CREBZF: variants seen among roughly 807,000 people sequenced by gnomAD.
CREBZF encodes the protein HCF-binding transcription factor Zhangfei.
Under a neutral mutation model 21.1 loss-of-function variants are expected in CREBZF, and 8 were observed. The ratio of observed to expected loss-of-function variants is 0.38; its 90% CI spans 0.22 to 0.68. The LOEUF (loss-of-function observed/expected upper bound fraction) is 0.68, where lower values mean the gene tolerates loss of function less well. CREBZF is among the 30% of genes least tolerant of loss of function. The pLI, the probability that CREBZF is intolerant of heterozygous loss-of-function variation, is 0.51. For synonymous variants in CREBZF, 270 were observed against 223.3 expected (o/e 1.21, Z -1.86); for missense variants, 518 against 484.3 (o/e 1.07, Z -0.65).
At chr11:85,666,833 G>A (rs1469727676), upstream of CREBZF, among the ~76,000 whole-genome samples, 2 of 152,116 alleles carry the variant, frequency 1.3e-5, no homozygotes, top group Non-Finnish European at 2.9e-5. Flanking sequence ...TATGACCTGT[G>A]GTATCTAGAA....
chr11:85,676,345 G>A (rs935799708), intron 1 of CREBZF, among the ~76,000 whole-genome samples: 4 of 152,126 alleles, frequency 2.6e-5, no homozygotes, highest in African/African-American at 9.7e-5. Flanking sequence ...TGGCTGTTGT[G>A]CTCTTACTTC....
upstream of CREBZF, among the ~76,000 whole-genome samples, chr11:85,666,442 A>G (rs2082863961): frequency 6.6e-6 from 1 of 152,230 alleles, no homozygotes; most frequent in African/African-American, 2.4e-5. Context: ...AGTTGTTTGA[A>G]TTGGGCTAAA....
rs1015372692 is a variant in CREBZF, at chr11:85,663,856, G to T, written c.1020C>A (p.Phe340Leu). 1 of 1,608,990 alleles carries T rather than the reference G, an allele frequency of 6.2e-7. No individual in the cohort carries two copies. The highest frequency in any genetic ancestry group is 8.5e-7 in the Non-Finnish European group (1 of 1,179,202). Residue 340 changes from phenylalanine to leucine, a missense_variant, in exon 1 of 1, where the codon TTC becomes TTA. Phe to Leu is a conservative substitution (Grantham distance 22, BLOSUM62 0). Transcript: ENST00000527447. Reference protein sequence around the residue: ...HVDKDKVSVEFCSACARKASS... With the variant: ...HVDKDKVSVELCSACARKASS... ...ACGCCTTCCGGGCGCACGCCGAGCAGAACTCCACCGACACCTTATCCTTGT... is the reference window on the plus strand; with the variant it reads ...ACGCCTTCCGGGCGCACGCCGAGCATAACTCCACCGACACCTTATCCTTGT...
At chr11:85,676,810 C>CTTT (rs11412070) in intron 1 of CREBZF, among the ~76,000 whole-genome samples, 14 of 135,030 alleles carry the variant, frequency 1.0e-4, no homozygotes, top group Non-Finnish European at 1.2e-4. Context: ...GCTAATTTTT[C>CTTT]TTTTTTTTTT....
At position 85,658,659 on chromosome 11, in the gene CREBZF, AAAG is replaced by A. The variant is rs1056865092; in HGVS notation, c.*5149_*5151del. Among the ~76,000 whole-genome samples, 28 of 152,110 alleles carry A rather than the reference AAAG, an allele frequency of 1.8e-4. No individual in the cohort carries two copies. The East Asian group carries it at 4.6e-3, about 25-fold the overall frequency. On this transcript the variant is annotated 3_prime_UTR_variant, in exon 1 of 1. Transcript: ENST00000527447. ...GTAGTTATTTGGCTTAAAAAAAAAAAAAGAGGGCTCACATTCTATTTAAATTAA... is the reference window on the plus strand; with the variant it reads ...GTAGTTATTTGGCTTAAAAAAAAAAAAGGGCTCACATTCTATTTAAATTAA...
chr11:85,676,378 C>T (rs1023529893), intron 1 of CREBZF, among the ~76,000 whole-genome samples: 1 of 152,174 alleles, frequency 6.6e-6, no homozygotes, highest in African/African-American at 2.4e-5. Context: ...CCAAATCATT[C>T]CTTCTGCTCC....
upstream of CREBZF, among the ~76,000 whole-genome samples, chr11:85,669,997 C>T (rs193142633): frequency 5.3e-5 from 8 of 152,006 alleles, no homozygotes; most frequent in South Asian, 2.1e-4. Context: ...TTAGTAGAGA[C>T]GGGGTTTCAC....
intron 1 of CREBZF, among the ~76,000 whole-genome samples, chr11:85,679,688 A>G (rs17810802): frequency 6.6e-6 from 1 of 152,204 alleles, no homozygotes; most frequent in Non-Finnish European, 1.5e-5. Context: ...AATCATTGGG[A>G]GGCATTCTTT....
intron 1 of CREBZF, among the ~76,000 whole-genome samples, chr11:85,680,177 T>C (rs977104618): frequency 6.6e-6 from 1 of 152,184 alleles, no homozygotes; most frequent in African/African-American, 2.4e-5. Context: ...ATAATATGGA[T>C]ATTGCTCTAT....
chr11:85,682,621 C>G, intron 1 of CREBZF: 1 of 305,238 alleles, frequency 3.3e-6, no homozygotes, highest in Non-Finnish European at 5.9e-6. Flanking sequence ...CCAACGCGAT[C>G]TTCCAGACGC....
rs1428273548 is a variant in CREBZF, at chr11:85,661,607, A to T, written c.*2204T>A. On this transcript the variant is annotated 3_prime_UTR_variant, in exon 1 of 1. Transcript: ENST00000527447. ...GTAAGGAAGAAAATACTCCAACAGA[A>T]TGTTATAGTTTTTAGAAAAATGAAC... 6.6e-6 allele frequency: 1 copy of T among 152,622 alleles called. No homozygotes were observed. The highest frequency in any genetic ancestry group is 1.5e-5 in the Non-Finnish European group (1 of 68,012). 9.5% of individuals were successfully genotyped at this position (152,622 alleles called of 1,614,324 possible). A position where few individuals can be genotyped will look rare whatever the true frequency, so the allele number is the denominator to read the frequency against.
rs1273513771 is a variant in CREBZF at position 85,660,518 on chromosome 11, T to C, written c.*3293A>G. 1 of 426,066 alleles carries C rather than the reference T, an allele frequency of 2.3e-6. No homozygotes were observed. Among genetic ancestry groups the C allele is most frequent in the Non-Finnish European group, 4.6e-6 (1 of 217,926 alleles). The allele number at this position is 426,066 out of a possible 1,614,324, so 26.4% of individuals were successfully genotyped here. A position where few individuals can be genotyped will look rare whatever the true frequency, so the allele number is the denominator to read the frequency against. ...ATGCCAAATTTTTGACCGACATGGT[T>C]CTCACAATTACTTTGTTACCAACAG... On this transcript the variant is annotated 3_prime_UTR_variant, in exon 1 of 1. Transcript: ENST00000527447.
rs1179639011 is a variant in CREBZF, at chr11:85,661,919, CAAATT to C, written c.*1887_*1891del. ...TTTAACATATTTCATAAAGATAGCA[CAAATT>C]AGTCATTTCAAATAATCTTTCCAAC... On this transcript the variant is annotated 3_prime_UTR_variant, in exon 1 of 1. Coordinates refer to ENST00000527447, the MANE Select transcript of CREBZF (RefSeq NM_001039618.4). 6.6e-6 allele frequency: 1 copy of C among 150,770 alleles called. No homozygotes were observed. The highest frequency in any genetic ancestry group is 1.5e-5 in the Non-Finnish European group (1 of 67,654). 9.3% of individuals were successfully genotyped at this position (150,770 alleles called of 1,614,324 possible). A position where few individuals can be genotyped will look rare whatever the true frequency, so the allele number is the denominator to read the frequency against.
At chr11:85,666,296 G>C (rs1476966969), upstream of CREBZF, among the ~76,000 whole-genome samples, 7 of 152,132 alleles carry the variant, frequency 4.6e-5, no homozygotes, top group Non-Finnish European at 7.4e-5. Flanking sequence ...CAGTTTACAA[G>C]TACATTAGAA....
chr11:85,664,732 G>A lies in CREBZF; in HGVS notation c.144C>T (p.Ala48=), dbSNP rs376023558. ...AAAGEEETAA[A]GSPGRKQQFG... is the part of the protein sequence containing the mutation. Reference sequence around the variant, plus strand: ...ACTGCTGCTTGCGGCCGGGAGATCCGGCCGCCGCCGTCTCCTCCTCCCCCG... The same window carrying A: ...ACTGCTGCTTGCGGCCGGGAGATCCAGCCGCCGCCGTCTCCTCCTCCCCCG... The change falls in exon 1 of 1, where the codon GCC becomes GCT. Residue 48 remains alanine, a synonymous_variant. Transcript: ENST00000527447. This position sits in a 1 kb window ranked among gnomAD's most constrained non-coding sequence, Gnocchi z 5.5. 48 of 1,604,422 alleles carry A rather than the reference G, an allele frequency of 3.0e-5. No individual in the cohort carries two copies. The highest frequency in any genetic ancestry group is 4.0e-5 in the Non-Finnish European group (47 of 1,177,174).
chr11:85,658,154 C>T lies in CREBZF; in HGVS notation c.*5657G>A, dbSNP rs1991923. Among the ~76,000 whole-genome samples, 19,062 of 151,776 alleles carry T rather than the reference C, an allele frequency of 0.13. 1,462 individuals are homozygous for T. Among genetic ancestry groups the T allele is most frequent in the East Asian group, 0.29 (1,475 of 5,166 alleles). ...ACAATGAATTAAAAGTAATTTCTGGCGTTAACCCAAGTACCGAGTTAAGAC... is the reference window on the plus strand; with the variant it reads ...ACAATGAATTAAAAGTAATTTCTGGTGTTAACCCAAGTACCGAGTTAAGAC... On this transcript the variant is annotated 3_prime_UTR_variant, in exon 1 of 1. Coordinates refer to ENST00000527447, the MANE Select transcript of CREBZF (RefSeq NM_001039618.4).
At position 85,662,516 on chromosome 11, in the gene CREBZF, G is replaced by A. The variant is rs2082713881; in HGVS notation, c.*1295C>T. 2.9e-6 allele frequency: 2 copies of A among 687,356 alleles called. No individual in the cohort carries two copies. The highest frequency in any genetic ancestry group is 2.7e-6 in the Non-Finnish European group (1 of 368,588). 42.6% of individuals were successfully genotyped at this position (687,356 alleles called of 1,614,324 possible). Reference sequence around the variant, plus strand: ...CGTATATACTTTATCAAGCAGTGATGTTTCACAAAGAATTTCTTAATGCCT... The same window carrying A: ...CGTATATACTTTATCAAGCAGTGATATTTCACAAAGAATTTCTTAATGCCT... On this transcript the variant is annotated 3_prime_UTR_variant, in exon 1 of 1. Coordinates refer to ENST00000527447, the MANE Select transcript of CREBZF (RefSeq NM_001039618.4).
upstream of CREBZF, among the ~76,000 whole-genome samples, chr11:85,668,063 G>T (rs1375021283): frequency 2.0e-5 from 3 of 151,790 alleles, no homozygotes; most frequent in East Asian, 3.9e-4. Flanking sequence ...CATACACTTG[G>T]ATCTGTTTCT....
chr11:85,681,050 G>T (rs1250812021), intron 1 of CREBZF, among the ~76,000 whole-genome samples: 1 of 152,226 alleles, frequency 6.6e-6, no homozygotes, highest in Non-Finnish European at 1.5e-5. Flanking sequence ...GAAGAAGCTT[G>T]GCTGAGGTAT....
Sources: gnomAD v4.1 joint callset for allele counts (sites outside exome capture counted in the v4.1 genomes callset) on GRCh38, gnomAD v4.1.1 for gene constraint, Gnocchi (gnomAD v3.1) non-coding constraint, MANE v1.5 for transcripts, NCBI Gene and HGNC (gene_info 2026-07-23, HGNC 2026-07-21) for gene names.